PTTG1IP2: variants seen among roughly 807,000 people sequenced by gnomAD.
PTTG1IP2 encodes the protein PTTG1IP family member 2.
At position 90,503,976 on chromosome 7, in the gene PTTG1IP2, T is replaced by C. The variant is rs148499000; in HGVS notation, c.*51-9302T>C. Among the ~76,000 whole-genome samples, 39 of 152,084 alleles carry C rather than the reference T, an allele frequency of 2.6e-4. 1 individual carries two copies. The highest frequency in any genetic ancestry group is 7.7e-4 in the African/African-American group (32 of 41,466). On this transcript the variant is annotated intron_variant, in intron 6 of 6. Transcript: ENST00000509356. Reference sequence around the variant, plus strand: ...TACGCTAAATTGAAGTGCAATAAAATAAGATATGCCTATAATTGAAAAATG... The same window carrying C: ...TACGCTAAATTGAAGTGCAATAAAACAAGATATGCCTATAATTGAAAAATG...
intron 5 of PTTG1IP2, among the ~76,000 whole-genome samples, chr7:90,493,545 G>T (rs1393755700): frequency 2.0e-5 from 3 of 152,164 alleles, no homozygotes; most frequent in Non-Finnish European, 4.4e-5. Context: ...AGAGCACAAG[G>T]TTAGGTATTT....
intron 6 of PTTG1IP2, among the ~76,000 whole-genome samples, chr7:90,500,259 C>A (rs889715397): frequency 6.6e-6 from 1 of 152,126 alleles, no homozygotes; most frequent in African/African-American, 2.4e-5. Context: ...TAATCCAAAA[C>A]TACCTTCTAT....
intron 6 of PTTG1IP2, among the ~76,000 whole-genome samples, chr7:90,512,469 GT>G (rs1022304783): frequency 3.9e-5 from 6 of 152,320 alleles, no homozygotes; most frequent in African/African-American, 1.4e-4. Context: ...GACGAACCGG[GT>G]GGAGGCTCCA....
intron 6 of PTTG1IP2, among the ~76,000 whole-genome samples, chr7:90,502,471 A>G (rs1000947744): frequency 1.3e-5 from 2 of 152,300 alleles, no homozygotes; most frequent in Non-Finnish European, 2.9e-5. Context: ...TTTTCAATTT[A>G]CTTTACCCAG....
intron 1 of PTTG1IP2, chr7:90,470,167 A>G (rs1201419872): frequency 3.3e-5 from 5 of 152,212 alleles, no homozygotes; most frequent in African/African-American, 4.8e-5. Flanking sequence ...ATTTGAGGAA[A>G]AGCATGGTTT....
chr7:90,471,813 GA>G (rs1279544430), intron 1 of PTTG1IP2, among the ~76,000 whole-genome samples: 2 of 152,200 alleles, frequency 1.3e-5, no homozygotes, highest in African/African-American at 4.8e-5. Flanking sequence ...TAGGTGGAAT[GA>G]GGACCTGAAG....
chr7:90,476,698 A>G (rs1031654850), intron 1 of PTTG1IP2, among the ~76,000 whole-genome samples: 3 of 152,222 alleles, frequency 2.0e-5, no homozygotes, highest in African/African-American at 7.2e-5. Context: ...GTGATATTCC[A>G]TATTGACATG....
At chr7:90,475,484 T>C (rs1797738020) in intron 1 of PTTG1IP2, among the ~76,000 whole-genome samples, 1 of 152,114 alleles carries the variant, frequency 6.6e-6, no homozygotes, top group Non-Finnish European at 1.5e-5. Flanking sequence ...AACACAAACA[T>C]AGCTAAAGAG....
rs1043298336 is a variant in PTTG1IP2, at chr7:90,513,324, T to C, written c.*97T>C. The C allele has an allele frequency of 6.5e-6, 1 of 152,686 alleles. No homozygotes were observed. Among genetic ancestry groups the C allele is most frequent in the African/African-American group, 2.4e-5 (1 of 41,470 alleles). The allele number at this position is 152,686 out of a possible 1,614,324, so 9.5% of individuals were successfully genotyped here. A position where few individuals can be genotyped will look rare whatever the true frequency, so the allele number is the denominator to read the frequency against. ...ATCCTTACAGCCTCTTTGAGAATGA[T>C]TGAACTTCCAAATTCCCTGAAGTTA... On this transcript the variant is annotated 3_prime_UTR_variant, in exon 7 of 7. Transcript: ENST00000509356.
At chr7:90,504,959 A>G (rs1393432522) in intron 6 of PTTG1IP2, among the ~76,000 whole-genome samples, 3 of 152,224 alleles carry the variant, frequency 2.0e-5, no homozygotes, top group Non-Finnish European at 2.9e-5. Context: ...CATAAGCCAC[A>G]CTAATAAACC....
chr7:90,511,442 C>A (rs1798189471), intron 6 of PTTG1IP2, among the ~76,000 whole-genome samples: 1 of 152,116 alleles, frequency 6.6e-6, no homozygotes, highest in African/African-American at 2.4e-5. Flanking sequence ...AGAGATAGAA[C>A]AATGGATAAT....
In PTTG1IP2 at chr7:90,497,713, T is replaced by TAAAAAAAAAAAAAAAA. The variant is rs1491565834; in HGVS notation, c.*50+3284_*50+3285insAAAAAAAAAAAAAAAA. ...GCCTGAGCGACAGAGAAAGACCCTG[T>TAAAAAAAAAAAAAAAA]ATAAAAAAAAAAAAAAAAAAAAAAA... On this transcript the variant is annotated intron_variant, in intron 6 of 6. Coordinates refer to ENST00000509356, the MANE Select transcript of PTTG1IP2 (RefSeq NM_001365443.2). Among the ~76,000 whole-genome samples, 23 of 49,598 alleles carry TAAAAAAAAAAAAAAAA rather than the reference T, an allele frequency of 4.6e-4. 5 individuals are homozygous for TAAAAAAAAAAAAAAAA. Among genetic ancestry groups the TAAAAAAAAAAAAAAAA allele is most frequent in the East Asian group, 4.5e-3 (6 of 1,320 alleles). 32.5% of individuals were successfully genotyped at this position (49,598 alleles called of 152,430 possible).
intron 1 of PTTG1IP2, among the ~76,000 whole-genome samples, chr7:90,471,271 C>T (rs1015873015): frequency 3.3e-5 from 5 of 152,148 alleles, no homozygotes; most frequent in Admixed American, 1.3e-4. Flanking sequence ...TAAGCCTTCA[C>T]GAGATCCTCA....
chr7:90,477,830 G>A (rs1797766476), intron 1 of PTTG1IP2, among the ~76,000 whole-genome samples: 1 of 152,140 alleles, frequency 6.6e-6, no homozygotes, highest in South Asian at 2.1e-4. Context: ...CCAGTGCAGT[G>A]GCTCACACCT....
intron 2 of PTTG1IP2, among the ~76,000 whole-genome samples, chr7:90,483,615 G>A (rs762873817): frequency 1.4e-4 from 21 of 152,214 alleles, no homozygotes; most frequent in East Asian, 5.8e-4. Context: ...CATTGCTTCC[G>A]TATCACACAG....
intron 1 of PTTG1IP2, among the ~76,000 whole-genome samples, chr7:90,477,836 C>A (rs922277336): frequency 2.0e-5 from 3 of 152,124 alleles, no homozygotes; most frequent in Non-Finnish European, 4.4e-5. Flanking sequence ...CAGTGGCTCA[C>A]ACCTGTAATC....
chr7:90,504,149 T>A (rs1798097188), intron 6 of PTTG1IP2, among the ~76,000 whole-genome samples: 1 of 151,912 alleles, frequency 6.6e-6, no homozygotes, highest in African/African-American at 2.4e-5. Flanking sequence ...ACCCTATTTG[T>A]ACTAAAAATA....
intron 1 of PTTG1IP2, among the ~76,000 whole-genome samples, chr7:90,476,127 T>TATA (rs4015368): frequency 0.93 from 141,006 of 151,886 alleles, 65,575 homozygotes; most frequent in East Asian, 1. Flanking sequence ...TACTCAATAA[T>TATA]ATCCAGCAAA....
chr7:90,506,547 G>A (rs1303145046), intron 6 of PTTG1IP2, among the ~76,000 whole-genome samples: 7 of 152,106 alleles, frequency 4.6e-5, no homozygotes. Flanking sequence ...AGGACTACTT[G>A]AGCTCAGAAG....
Sources: gnomAD v4.1 joint callset for allele counts (sites outside exome capture counted in the v4.1 genomes callset) on GRCh38, gnomAD v4.1.1 for gene constraint, MANE v1.5 for transcripts, NCBI Gene and HGNC (gene_info 2026-07-23, HGNC 2026-07-21) for gene names.